MPP7: variants seen among roughly 807,000 people sequenced by gnomAD.
MPP7 encodes the protein MAGUK p55 subfamily member 7.
Under a neutral mutation model 76.5 loss-of-function variants are expected in MPP7, and 60 were observed. The observed-to-expected ratio is 0.78, with a 90% confidence interval of 0.64 to 0.97. The LOEUF (loss-of-function observed/expected upper bound fraction) is 0.97, where lower values mean the gene tolerates loss of function less well. Among genes scored for constraint, MPP7 ranks in the 50% least tolerant of loss-of-function variants. The probability of loss-of-function intolerance (pLI) is 0.00; values close to 1 mark genes in which losing one functional copy is unlikely to be tolerated. For missense variants in MPP7, 641 were observed against 694.0 expected, an observed-to-expected ratio of 0.92 and a Z score of 0.86; for synonymous variants, 237 against 244.5, an observed-to-expected ratio of 0.97 and a Z score of 0.29.
At chr10:28,115,110 G>T (rs201929707) in intron 11 of MPP7, among the ~76,000 whole-genome samples, 28 of 141,806 alleles carry the variant, frequency 2.0e-4, no homozygotes, top group East Asian at 1.2e-3. Flanking sequence ...TTTTGTTTTT[G>T]TTTTTTTTTG....
intron 3 of MPP7, among the ~76,000 whole-genome samples, chr10:28,161,107 T>C (rs991435211): frequency 2.0e-5 from 3 of 152,232 alleles, no homozygotes; most frequent in Admixed American, 1.3e-4. Context: ...ATTGGCCCAG[T>C]GCTGCTATTA....
chr10:28,214,486 C>T (rs949632944), intron 2 of MPP7, among the ~76,000 whole-genome samples: 2 of 152,190 alleles, frequency 1.3e-5, no homozygotes, highest in East Asian at 1.9e-4. Flanking sequence ...CCCAAGTCCC[C>T]TCCACACTTC....
intron 1 of MPP7, among the ~76,000 whole-genome samples, chr10:28,284,081 G>GT (rs1279512758): frequency 6.6e-6 from 1 of 152,168 alleles, no homozygotes; most frequent in Non-Finnish European, 1.5e-5. Context: ...TTTATTAAGT[G>GT]TAAGACACTG....
At chr10:28,299,860 G>C (rs548948084) in intron 1 of MPP7, among the ~76,000 whole-genome samples, 99 of 150,818 alleles carry the variant, frequency 6.6e-4, no homozygotes, top group Non-Finnish European at 1.2e-3. Flanking sequence ...CTGCCTCTTG[G>C]GTTCAGGCCA....
At chr10:28,326,781 G>C (rs889803237) in intron 2 of MPP7, among the ~76,000 whole-genome samples, 1 of 152,210 alleles carries the variant, frequency 6.6e-6, no homozygotes, top group South Asian at 2.1e-4. Flanking sequence ...AAAGTGCTGG[G>C]CCACATTGCC....
At chr10:28,177,790 A>C (rs1836924991) in intron 3 of MPP7, among the ~76,000 whole-genome samples, 1 of 152,178 alleles carries the variant, frequency 6.6e-6, no homozygotes, top group Non-Finnish European at 1.5e-5. Flanking sequence ...CAAAGTGGGG[A>C]ATTGTTTAAA....
Position 28,052,621 on chromosome 10 carries a change from T to C in MPP7, c.*1444A>G, listed in dbSNP as rs1851399753. 1 of 152,650 alleles carries C rather than the reference T, an allele frequency of 6.6e-6. No individual in the cohort carries two copies. The highest frequency in any genetic ancestry group is 2.4e-5 in the African/African-American group (1 of 41,452). The allele number at this position is 152,650 out of a possible 1,614,324, so 9.5% of individuals were successfully genotyped here. ...GATTTATAAAACTACTCTTTTAAAT[T>C]AGGACATCTTGACATACAATCAGTT... is the stretch of plus-strand genomic sequence containing the variant. On this transcript the variant is annotated 3_prime_UTR_variant, in exon 17 of 17. Transcript: ENST00000683449.
intron 11 of MPP7, among the ~76,000 whole-genome samples, chr10:28,100,487 G>C (rs920670521): frequency 2.4e-4 from 37 of 152,138 alleles, no homozygotes; most frequent in African/African-American, 8.2e-4. Context: ...GTCAGCTTCC[G>C]TATTGATCTT....
chr10:28,325,321 A>C (rs1834401187), intron 2 of MPP7, among the ~76,000 whole-genome samples: 1 of 152,092 alleles, frequency 6.6e-6, no homozygotes, highest in Non-Finnish European at 1.5e-5. Context: ...GTAATAGCAG[A>C]TATCTAGGGA....
At chr10:28,233,228 G>A (rs956850112) in intron 2 of MPP7, among the ~76,000 whole-genome samples, 2 of 152,178 alleles carry the variant, frequency 1.3e-5, no homozygotes, top group East Asian at 3.9e-4. Context: ...GTTGGAGGGG[G>A]AAGAGGCTAC....
At position 28,140,871 on chromosome 10, in the gene MPP7, T is replaced by C. The variant is rs1370147675; in HGVS notation, c.315+6612A>G. Among the ~76,000 whole-genome samples, 3 of 152,352 alleles carry C rather than the reference T, an allele frequency of 2.0e-5. No individual in the cohort carries two copies. The East Asian group carries it at 5.8e-4, about 29-fold the overall frequency. On this transcript the variant is annotated intron_variant, in intron 5 of 16. Coordinates refer to ENST00000683449, the MANE Select transcript of MPP7 (RefSeq NM_001318170.2). ...AATGAAGGGTTGTATTAAAGTTTTC[T>C]GTGTTATTTACAGAATTCCAACACA...
At chr10:28,120,991 C>A in intron 8 of MPP7, among the ~76,000 whole-genome samples, 1 of 152,218 alleles carries the variant, frequency 6.6e-6, no homozygotes, top group South Asian at 2.1e-4. Flanking sequence ...CTTAAATAAA[C>A]ACAGTATTCA....
At chr10:28,313,961 C>T (rs12218186) in intron 2 of MPP7, among the ~76,000 whole-genome samples, 17,852 of 149,636 alleles carry the variant, frequency 0.12, 1,632 homozygotes, top group East Asian at 0.48. Flanking sequence ...CCGCCTTGGC[C>T]TCCCAAAATG....
intron 2 of MPP7, among the ~76,000 whole-genome samples, chr10:28,213,669 G>A (rs554164533): frequency 1.2e-4 from 18 of 151,910 alleles, no homozygotes; most frequent in Non-Finnish European, 2.4e-4. Flanking sequence ...GCACATGCCT[G>A]TAACCCCAGC....
intron 1 of MPP7, among the ~76,000 whole-genome samples, chr10:28,255,704 C>T (rs1839763823): frequency 6.6e-6 from 1 of 152,072 alleles, no homozygotes; most frequent in Admixed American, 6.6e-5. Context: ...TGTGCCCAGC[C>T]CATCTTTTTC....
chr10:28,124,610 A>G (rs1044994085), intron 7 of MPP7, among the ~76,000 whole-genome samples: 2 of 150,026 alleles, frequency 1.3e-5, no homozygotes, highest in African/African-American at 4.9e-5. Flanking sequence ...CAAGTAGCTG[A>G]TACTACAGGT....
chr10:28,231,400 A>G (rs998148912), intron 2 of MPP7, among the ~76,000 whole-genome samples: 1 of 151,962 alleles, frequency 6.6e-6, no homozygotes, highest in Non-Finnish European at 1.5e-5. Flanking sequence ...GAAAAAGAAC[A>G]GTAAAAATTA....
chr10:28,224,040 A>T (rs1176805229), intron 2 of MPP7, among the ~76,000 whole-genome samples: 1 of 151,722 alleles, frequency 6.6e-6, no homozygotes, highest in Non-Finnish European at 1.5e-5. Context: ...TACTAAAAAT[A>T]CAAAAATTAG....
chr10:28,106,195 C>T (rs560958218), intron 11 of MPP7, among the ~76,000 whole-genome samples: 1 of 152,254 alleles, frequency 6.6e-6, no homozygotes, highest in East Asian at 1.9e-4. Flanking sequence ...GTCTTAATTC[C>T]ACCCAATCTA....
Sources: gnomAD v4.1 joint callset for allele counts (sites outside exome capture counted in the v4.1 genomes callset) on GRCh38, gnomAD v4.1.1 for gene constraint, MANE v1.5 for transcripts, NCBI Gene and HGNC (gene_info 2026-07-23, HGNC 2026-07-21) for gene names.